SHISAL2A: variants seen among roughly 807,000 people sequenced by gnomAD.
SHISAL2A encodes shisa like 2A, also known as protein shisa-like-2A.
Under a neutral mutation model 11.5 loss-of-function variants are expected in SHISAL2A, and 18 were observed. The observed-to-expected ratio is 1.57, with a 90% confidence interval of 1.08 to 2.33. The LOEUF is 2.33. Among genes scored for constraint, SHISAL2A ranks in the 30% most tolerant of loss-of-function variants. The pLI is 0.00. For synonymous variants in SHISAL2A, 94 were observed against 99.6 expected (o/e 0.94, Z 0.34); for missense variants, 261 against 250.9 (o/e 1.04, Z -0.27).
chr1:52,665,423 C>T (rs1306182978), intron 4 of SHISAL2A, among the ~76,000 whole-genome samples: 1 of 152,124 alleles, frequency 6.6e-6, no homozygotes, highest in African/African-American at 2.4e-5. Flanking sequence ...TCCCACTCCC[C>T]TAGGGAGGAG....
At chr1:52,656,747 G>A (rs777240452) in intron 2 of SHISAL2A, 43 bp from the exon 3 acceptor site, 3 of 1,559,748 alleles carry the variant, frequency 1.9e-6, no homozygotes, top group South Asian at 2.5e-5. Context: ...TGATCCTGTT[G>A]GGGAAGAAGA....
chr1:52,643,630 G>A (rs567299159), intron 2 of SHISAL2A, among the ~76,000 whole-genome samples: 23 of 152,260 alleles, frequency 1.5e-4, no homozygotes, highest in African/African-American at 2.2e-4. Flanking sequence ...CGAGGCAGGC[G>A]GATCATGAGG....
chr1:52,647,303 A>G (rs1691522647), intron 2 of SHISAL2A, among the ~76,000 whole-genome samples: 1 of 152,230 alleles, frequency 6.6e-6, no homozygotes, highest in Non-Finnish European at 1.5e-5. Context: ...AGAGGCTCAC[A>G]GGAACATAAC....
intron 1 of SHISAL2A, among the ~76,000 whole-genome samples, chr1:52,638,462 T>C (rs565535973): frequency 6.6e-6 from 1 of 152,154 alleles, no homozygotes; most frequent in South Asian, 2.1e-4. Flanking sequence ...ACATACTCAA[T>C]GTAAAAAATG....
chr1:52,664,327 A>G (rs1305238401), intron 4 of SHISAL2A, among the ~76,000 whole-genome samples: 8 of 149,772 alleles, frequency 5.3e-5, no homozygotes, highest in Non-Finnish European at 1.2e-4. Flanking sequence ...AATAGCTGGG[A>G]CTACAGGCGC....
chr1:52,646,680 T>C (rs1558088850), intron 2 of SHISAL2A, among the ~76,000 whole-genome samples: 1 of 152,232 alleles, frequency 6.6e-6, no homozygotes, highest in Non-Finnish European at 1.5e-5. Context: ...TTTACACATG[T>C]ATCCTAGGTG....
Position 52,656,944 on chromosome 1 carries a change from T to G in SHISAL2A, c.477T>G (p.His159Gln). The G allele has an allele frequency of 6.2e-7, 1 of 1,614,166 alleles. No homozygotes were observed. The highest frequency in any genetic ancestry group is 1.6e-4 in the Middle Eastern group (1 of 6,062). ...GQAVNSKRLL[H>Q]HCFMATVTTS... is the part of the protein sequence containing the mutation. ...CTGTGAACTCCAAACGCCTCCTCCA[T>G]CATTGCTTCATGGCCACAGTGACCA... Residue 159 changes from histidine (H) to glutamine (Q), a missense_variant, in exon 3 of 3, where the codon CAT becomes CAG. Physicochemically the swap from His to Gln is conservative, Grantham distance 24. Coordinates refer to ENST00000517870, the MANE Select transcript of SHISAL2A (RefSeq NM_001042693.3).
intron 2 of SHISAL2A, among the ~76,000 whole-genome samples, chr1:52,654,258 T>TAGATAGACAGAC (rs1305001656): frequency 4.6e-4 from 69 of 151,138 alleles, no homozygotes; most frequent in Middle Eastern, 3.4e-3. Flanking sequence ...GATAGATAGA[T>TAGATAGACAGAC]AGACAGATAG....
At chr1:52,639,282 G>A (rs762858720) in intron 1 of SHISAL2A, among the ~76,000 whole-genome samples, 9 of 152,134 alleles carry the variant, frequency 5.9e-5, no homozygotes, top group Non-Finnish European at 1.0e-4. Flanking sequence ...ACTATACCCA[G>A]AGACAGCCTG....
chr1:52,656,699 T>G, intron 2 of SHISAL2A, 91 bp from the exon 3 acceptor site: 1 of 1,416,980 alleles, frequency 7.1e-7, no homozygotes, highest in Non-Finnish European at 9.6e-7. Context: ...CACAGTGCAC[T>G]GCCCAAGGTA....
upstream of SHISAL2A, among the ~76,000 whole-genome samples, chr1:52,633,138 C>T (rs1022011499): frequency 6.6e-6 from 1 of 152,198 alleles, no homozygotes; most frequent in African/African-American, 2.4e-5. This position sits in a 1 kb window ranked among gnomAD's most constrained non-coding sequence, Gnocchi z 6.4. Context: ...GCAGGGGGAG[C>T]GCAGTGGGGA....
At chr1:52,638,790 C>T (rs1017914321) in intron 1 of SHISAL2A, among the ~76,000 whole-genome samples, 2 of 152,208 alleles carry the variant, frequency 1.3e-5, no homozygotes, top group African/African-American at 2.4e-5. Context: ...TGTCAGTCAT[C>T]GGTCATGGGC....
In SHISAL2A at chr1:52,640,752, G is replaced by A. The variant is rs532437622; in HGVS notation, c.183-2111G>A. On this transcript the variant is annotated intron_variant, in intron 1 of 2. Coordinates refer to ENST00000517870, the MANE Select transcript of SHISAL2A (RefSeq NM_001042693.3). ...GGTCTCTGAACCCCGAGTTCCTGAC[G>A]CAGAGCTCCTAAATTCCTTATAATT... Among the ~76,000 whole-genome samples the A allele has an allele frequency of 2.0e-5, 3 of 152,284 alleles. No individual in the cohort carries two copies. In the East Asian group the frequency reaches 5.8e-4, roughly 29 times the overall value.
At chr1:52,639,594 T>A (rs11807855) in intron 1 of SHISAL2A, among the ~76,000 whole-genome samples, 51,027 of 151,324 alleles carry the variant, frequency 0.34, 11,515 homozygotes, top group African/African-American at 0.62. Flanking sequence ...TCTATTAAAA[T>A]TACAAAAAAT....
intron 2 of SHISAL2A, 34 bp downstream of exon 2, chr1:52,643,036 G>A (rs372315400): frequency 2.2e-4 from 358 of 1,608,506 alleles, no homozygotes; most frequent in African/African-American, 3.2e-4. Flanking sequence ...CCTTGTATTC[G>A]GTAGACTAGC....
downstream of SHISAL2A, among the ~76,000 whole-genome samples, chr1:52,662,027 C>T (rs369876822): frequency 1.5e-3 from 221 of 150,370 alleles, no homozygotes; most frequent in African/African-American, 5.1e-3. Context: ...AGCAAGACTC[C>T]GTCTCAAAAA....
chr1:52,656,331 G>A (rs1382683975), intron 2 of SHISAL2A, among the ~76,000 whole-genome samples: 1 of 152,184 alleles, frequency 6.6e-6, no homozygotes, highest in Admixed American at 6.6e-5. Context: ...ATAAGGCCAA[G>A]TGGACTTCCT....
intron 4 of SHISAL2A, among the ~76,000 whole-genome samples, chr1:52,665,421 C>T (rs1691992617): frequency 6.6e-6 from 1 of 152,112 alleles, no homozygotes; most frequent in South Asian, 2.1e-4. Context: ...GATCCCACTC[C>T]CCTAGGGAGG....
Position 52,656,781 on chromosome 1 carries a change from G to A in SHISAL2A, c.323-9G>A, listed in dbSNP as rs780217057. 3 of 1,594,938 alleles carry A rather than the reference G, an allele frequency of 1.9e-6. No individual in the cohort carries two copies. Among genetic ancestry groups the A allele is most frequent in the Non-Finnish European group, 2.6e-6 (3 of 1,168,818 alleles). On this transcript the variant is annotated splice_polypyrimidine_tract_variant and intron_variant, in intron 2 of 2. Coordinates refer to ENST00000517870, the MANE Select transcript of SHISAL2A (RefSeq NM_001042693.3). ...GAGAGCCACACACCCTCAGTTTGCT[G>A]TTTTCCAGGCCCTGAGGAGGTTTCT... is the stretch of plus-strand genomic sequence containing the variant.
Sources: gnomAD v4.1 joint callset for allele counts (sites outside exome capture counted in the v4.1 genomes callset) on GRCh38, gnomAD v4.1.1 for gene constraint, Gnocchi (gnomAD v3.1) non-coding constraint, MANE v1.5 for transcripts, NCBI Gene and HGNC (gene_info 2026-07-23, HGNC 2026-07-21) for gene names.